Variants in MAN2A1 observed in about 807,000 individuals in gnomAD.
MAN2A1 encodes the protein mannosidase alpha class 2A member 1.
Under a neutral mutation model 142.6 loss-of-function variants are expected in MAN2A1, and 76 were observed. That is an observed-to-expected ratio of 0.53 (90% CI 0.44 to 0.65). MAN2A1 has a LOEUF of 0.65. MAN2A1 is among the 30% of genes least tolerant of loss of function. The pLI, the probability that MAN2A1 is intolerant of heterozygous loss-of-function variation, is 0.00. For missense variants in MAN2A1, 1,311 were observed against 1,365.1 expected, an observed-to-expected ratio of 0.96 and a Z score of 0.62; for synonymous variants, 559 against 473.2, an observed-to-expected ratio of 1.18 and a Z score of -2.35.
chr5:109,730,936 T>A (rs1037153136), intron 4 of MAN2A1, among the ~76,000 whole-genome samples: 1 of 152,224 alleles, frequency 6.6e-6, no homozygotes, highest in Non-Finnish European at 1.5e-5. Context: ...CAATCTTTAT[T>A]ATATTTAAAT....
In MAN2A1 at chr5:109,723,437, T is replaced by A. The variant is rs192995319; in HGVS notation, c.536-5905T>A. Among the ~76,000 whole-genome samples the A allele has an allele frequency of 1.5e-3, 236 of 152,306 alleles. 1 individual carries two copies. The highest frequency in any genetic ancestry group is 5.5e-3 in the African/African-American group (230 of 41,578). ...CTGTGACTGTCTTCTTACCCTCTCT[T>A]GGAAACTTAGTCGATTACTAAGTTC... On this transcript the variant is annotated intron_variant, in intron 3 of 21. Coordinates refer to ENST00000261483, the MANE Select transcript of MAN2A1 (RefSeq NM_002372.4).
intron 3 of MAN2A1, among the ~76,000 whole-genome samples, chr5:109,721,904 T>C (rs1272450766): frequency 6.6e-6 from 1 of 152,242 alleles, no homozygotes; most frequent in African/African-American, 2.4e-5. Context: ...TTCTGTGCAC[T>C]ATTCTAGGCA....
In MAN2A1 at chr5:109,767,548, G is replaced by T; in HGVS notation, c.849G>T (p.Arg283=). ...WLENNIGVKP[R]SGWAIDPFGH... The stretch of plus-strand genomic sequence containing the variant: ...CTTTATCCACAGGAGTGAAACCTCG[G>T]TCCGGCTGGGCTATTGATCCCTTTG... Residue 283 remains arginine (R), a synonymous_variant, in exon 6 of 22, where the codon CGG becomes CGT. Coordinates refer to ENST00000261483, the MANE Select transcript of MAN2A1 (RefSeq NM_002372.4). 6.2e-7 allele frequency: 1 copy of T among 1,611,942 alleles called. No homozygotes were observed. The highest frequency in any genetic ancestry group is 8.5e-7 in the Non-Finnish European group (1 of 1,179,206).
chr5:109,811,506 T>C (rs1318782620), intron 12 of MAN2A1, among the ~76,000 whole-genome samples: 1 of 152,134 alleles, frequency 6.6e-6, no homozygotes, highest in Non-Finnish European at 1.5e-5. Context: ...TACATTCTGC[T>C]CATTTTGTAT....
At chr5:109,712,975 A>T (rs1328500695) in intron 1 of MAN2A1, among the ~76,000 whole-genome samples, 1 of 152,230 alleles carries the variant, frequency 6.6e-6, no homozygotes. Context: ...AGACTGAATG[A>T]CTTCGGGTAT....
intron 16 of MAN2A1, chr5:109,840,704 AC>A (rs1755178844): frequency 2.3e-6 from 1 of 427,440 alleles, no homozygotes; most frequent in Non-Finnish European, 4.5e-6. Flanking sequence ...TTCCAGAAGG[AC>A]CGATCCAGTA....
chr5:109,832,376 C>G (rs975395357), intron 16 of MAN2A1, among the ~76,000 whole-genome samples: 2 of 151,706 alleles, frequency 1.3e-5, no homozygotes. Flanking sequence ...GGTGATGACT[C>G]TTAACGAGCA....
chr5:109,858,904 G>C (rs1435329820), intron 20 of MAN2A1, among the ~76,000 whole-genome samples: 3 of 152,216 alleles, frequency 2.0e-5, no homozygotes, highest in African/African-American at 7.2e-5. Flanking sequence ...CTGCAGGTAT[G>C]ACAACCCACT....
chr5:109,754,570 CTAAAG>C (rs1393825283), intron 4 of MAN2A1, among the ~76,000 whole-genome samples: 1 of 152,092 alleles, frequency 6.6e-6, no homozygotes, highest in African/African-American at 2.4e-5. Context: ...GTCAGAAGGA[CTAAAG>C]TAAATATTGA....
chr5:109,865,792 G>A (rs1373381966), intron 21 of MAN2A1, among the ~76,000 whole-genome samples: 1 of 152,088 alleles, frequency 6.6e-6, no homozygotes, highest in South Asian at 2.1e-4. Flanking sequence ...TCTTCAAGTT[G>A]GTCTTTCTGG....
intron 1 of MAN2A1, among the ~76,000 whole-genome samples, chr5:109,692,245 G>C (rs1750691843): frequency 6.6e-6 from 1 of 152,202 alleles, no homozygotes; most frequent in South Asian, 2.1e-4. Context: ...TCCTCAATGA[G>C]AGGCTGAAGT....
At chr5:109,758,590 A>G (rs576256392) in intron 5 of MAN2A1, among the ~76,000 whole-genome samples, 2 of 151,108 alleles carry the variant, frequency 1.3e-5, no homozygotes, top group South Asian at 2.1e-4. Context: ...CCTGAATTAT[A>G]AAGATGTACT....
At position 109,842,413 on chromosome 5, in the gene MAN2A1, T is replaced by G; in HGVS notation, c.2652T>G (p.Ser884=). ...YNREIAMKIS[S]DIKSQNRFYT... ...GTGAGATTGCAATGAAAATTTCTTC[T>G]GATATAAAAAGCCAAAATAGATTTT... The change falls in exon 17 of 22, where the codon TCT becomes TCG. Residue 884 remains serine (S), a synonymous_variant. Coordinates refer to ENST00000261483, the MANE Select transcript of MAN2A1 (RefSeq NM_002372.4). The G allele has an allele frequency of 6.3e-7, 1 of 1,589,516 alleles. No individual in the cohort carries two copies. The highest frequency in any genetic ancestry group is 8.6e-7 in the Non-Finnish European group (1 of 1,159,674).
intron 4 of MAN2A1, among the ~76,000 whole-genome samples, chr5:109,736,586 TTC>T (rs1752106360): frequency 6.6e-6 from 1 of 152,194 alleles, no homozygotes; most frequent in African/African-American, 2.4e-5. Context: ...ATTTCGTATT[TTC>T]TAAGAAAATA....
At chr5:109,701,486 T>TC (rs1312285695) in intron 1 of MAN2A1, among the ~76,000 whole-genome samples, 1 of 152,124 alleles carries the variant, frequency 6.6e-6, no homozygotes, top group East Asian at 1.9e-4. Context: ...AGTGAATCAC[T>TC]CCAAGTTATT....
intron 1 of MAN2A1, among the ~76,000 whole-genome samples, chr5:109,699,197 C>G (rs1266688570): frequency 6.6e-6 from 1 of 152,188 alleles, no homozygotes; most frequent in East Asian, 1.9e-4. Flanking sequence ...TCTCAGCCTT[C>G]TCCCACTCAA....
chr5:109,752,968 A>C (rs1020833852), intron 4 of MAN2A1, among the ~76,000 whole-genome samples: 1 of 152,200 alleles, frequency 6.6e-6, no homozygotes, highest in Non-Finnish European at 1.5e-5. Context: ...TTATGTTGTA[A>C]ATTAAAACTA....
chr5:109,759,958 TATATATAG>T (rs1223590657), intron 5 of MAN2A1, among the ~76,000 whole-genome samples: 1,945 of 21,880 alleles, frequency 0.089, 22 homozygotes, highest in South Asian at 0.18. Context: ...TATATATATA[TATATATAG>T]ATAGATAGAT....
At chr5:109,807,015 A>G (rs1754182685) in intron 12 of MAN2A1, among the ~76,000 whole-genome samples, 1 of 152,200 alleles carries the variant, frequency 6.6e-6, no homozygotes, top group Non-Finnish European at 1.5e-5. Flanking sequence ...TTATTGCTGA[A>G]AGAGTGTTCT....
Sources: allele counts gnomAD v4.1 joint callset (sites outside exome capture counted in the v4.1 genomes callset), GRCh38; gene constraint gnomAD v4.1.1; transcripts MANE v1.5; gene names NCBI Gene and HGNC (gene_info 2026-07-23, HGNC 2026-07-21).